Variants in NKAIN3 observed in about 807,000 individuals in gnomAD.
NKAIN3 encodes the protein sodium/potassium transporting ATPase interacting 3, also known as sodium/potassium-transporting ATPase subunit beta-1-interacting protein 3.
Under a neutral mutation model 30.2 loss-of-function variants are expected in NKAIN3, and 25 were observed. That is an observed-to-expected ratio of 0.83 (90% CI 0.60 to 1.16). The LOEUF (loss-of-function observed/expected upper bound fraction) is 1.16, where lower values mean the gene tolerates loss of function less well. Ranked by LOEUF, NKAIN3 falls within the 50% of genes most tolerant of loss-of-function variation. NKAIN3 has a pLI of 0.00. For synonymous variants in NKAIN3, 91 were observed against 89.6 expected (o/e 1.02, Z -0.09); for missense variants, 225 against 254.1 (o/e 0.89, Z 0.78).
At chr8:62,291,403 C>T (rs1430897204) in intron 1 of NKAIN3, among the ~76,000 whole-genome samples, 1 of 152,154 alleles carries the variant, frequency 6.6e-6, no homozygotes, top group African/African-American at 2.4e-5. Context: ...CTATAGACTG[C>T]TTTGAATGTG....
At chr8:62,991,292 G>A (rs1325059109) in intron 5 of NKAIN3, among the ~76,000 whole-genome samples, 1 of 152,122 alleles carries the variant, frequency 6.6e-6, no homozygotes, top group Non-Finnish European at 1.5e-5. Context: ...AATAGCAGTG[G>A]GTAAGGCTAA....
At chr8:62,255,919 T>C (rs1812247214) in intron 1 of NKAIN3, among the ~76,000 whole-genome samples, 1 of 152,136 alleles carries the variant, frequency 6.6e-6, no homozygotes, top group Admixed American at 6.5e-5. Flanking sequence ...TCTCAAATTA[T>C]TGAAAGCTCC....
intron 1 of NKAIN3, among the ~76,000 whole-genome samples, chr8:62,481,266 G>A (rs1394226769): frequency 2.6e-5 from 4 of 151,724 alleles, no homozygotes; most frequent in Non-Finnish European, 5.9e-5. Flanking sequence ...GTAATTCCTG[G>A]TGTATCCCTC....
chr8:62,665,682 G>C (rs1813076751), intron 3 of NKAIN3, among the ~76,000 whole-genome samples: 1 of 152,122 alleles, frequency 6.6e-6, no homozygotes, highest in South Asian at 2.1e-4. Context: ...AGCCTTCCCA[G>C]TATAGGAATG....
At chr8:62,740,579 T>C (rs1815832228) in intron 3 of NKAIN3, among the ~76,000 whole-genome samples, 1 of 151,908 alleles carries the variant, frequency 6.6e-6, no homozygotes, top group African/African-American at 2.4e-5. Context: ...AGAATAATAA[T>C]AGAGAGACTA....
intron 3 of NKAIN3, among the ~76,000 whole-genome samples, chr8:62,702,324 A>G (rs1480468081): frequency 6.6e-6 from 1 of 152,210 alleles, no homozygotes; most frequent in Non-Finnish European, 1.5e-5. Flanking sequence ...TTCCACTCAG[A>G]AAGTATCCAG....
intron 4 of NKAIN3, among the ~76,000 whole-genome samples, chr8:62,896,316 C>T (rs892347595): frequency 2.0e-5 from 3 of 152,072 alleles, no homozygotes; most frequent in African/African-American, 7.2e-5. Context: ...AATTACCTTC[C>T]AAAAGCATCA....
intron 1 of NKAIN3, among the ~76,000 whole-genome samples, chr8:62,325,867 G>C (rs1357493620): frequency 6.6e-6 from 1 of 151,844 alleles, no homozygotes; most frequent in African/African-American, 2.4e-5. Flanking sequence ...ATTTTGAAGG[G>C]ATTATTTGTT....
chr8:62,332,809 T>C (rs1467522155), intron 1 of NKAIN3, among the ~76,000 whole-genome samples: 1 of 152,148 alleles, frequency 6.6e-6, no homozygotes, highest in African/African-American at 2.4e-5. Flanking sequence ...GGCAGATCAC[T>C]TGAGCCCAGG....
chr8:62,988,847 T>C (rs78050429), downstream of NKAIN3, among the ~76,000 whole-genome samples: 16 of 152,366 alleles, frequency 1.1e-4, no homozygotes, highest in Admixed American at 7.8e-4. Flanking sequence ...TTTTCTTTTC[T>C]ATCACATCAT....
chr8:62,437,443 C>A (rs923009719), intron 1 of NKAIN3, among the ~76,000 whole-genome samples: 1 of 152,176 alleles, frequency 6.6e-6, no homozygotes, highest in African/African-American at 2.4e-5. Flanking sequence ...CTTATTTACA[C>A]AATGCCTCCA....
intron 3 of NKAIN3, among the ~76,000 whole-genome samples, chr8:62,651,336 C>A (rs1375015423): frequency 6.6e-6 from 1 of 151,994 alleles, no homozygotes; most frequent in Non-Finnish European, 1.5e-5. Context: ...GAAAGACACC[C>A]AAAAAATCAA....
chr8:62,939,365 C>CTACA (rs1280916518), intron 5 of NKAIN3, among the ~76,000 whole-genome samples: 1 of 152,162 alleles, frequency 6.6e-6, no homozygotes, highest in African/African-American at 2.4e-5. Context: ...TCTGGCCTTA[C>CTACA]TACAGATCTA....
At chr8:62,551,917 T>C (rs1007855386) in intron 1 of NKAIN3, among the ~76,000 whole-genome samples, 4 of 152,210 alleles carry the variant, frequency 2.6e-5, no homozygotes, top group Admixed American at 1.3e-4. Context: ...AGAAAACTTT[T>C]CTCTTTGATC....
intron 2 of NKAIN3, among the ~76,000 whole-genome samples, chr8:62,585,927 C>T (rs961914146): frequency 1.2e-4 from 18 of 151,962 alleles, no homozygotes; most frequent in Non-Finnish European, 4.4e-5. Flanking sequence ...AGATTTTTGT[C>T]CTATAATTAC....
At chr8:62,712,763 A>T (rs1333138073) in intron 3 of NKAIN3, among the ~76,000 whole-genome samples, 2 of 152,198 alleles carry the variant, frequency 1.3e-5, no homozygotes, top group African/African-American at 4.8e-5. Context: ...CCCCATTCAA[A>T]TTATTACAAA....
intron 4 of NKAIN3, chr8:62,856,860 G>A (rs1820075079): frequency 1.7e-6 from 1 of 592,308 alleles, no homozygotes; most frequent in Admixed American, 2.4e-5. Context: ...CACTGTTTAT[G>A]ATCTTACTGA....
chr8:62,638,600 C>T (rs527821827), intron 3 of NKAIN3, among the ~76,000 whole-genome samples: 18 of 152,184 alleles, frequency 1.2e-4, no homozygotes, highest in African/African-American at 3.9e-4. Context: ...AGTGTATCTT[C>T]GTCTCCTTTA....
rs577050654 is a variant in NKAIN3, at chr8:62,919,406, G to A, written c.532+893G>A. Among the ~76,000 whole-genome samples, 11 of 151,356 alleles carry A rather than the reference G, an allele frequency of 7.3e-5. No individual in the cohort carries two copies. The South Asian group carries it at 2.3e-3, about 32-fold the overall frequency. ...ACTACAGGCACCCGCCACCATGTCC[G>A]GCTAATTTTTTTGTATTTTTAGTAG... On this transcript the variant is annotated intron_variant, in intron 5 of 6. Transcript: ENST00000623646.
Sources: gnomAD v4.1 joint callset for allele counts (sites outside exome capture counted in the v4.1 genomes callset) on GRCh38, gnomAD v4.1.1 for gene constraint, MANE v1.5 for transcripts, NCBI Gene and HGNC (gene_info 2026-07-23, HGNC 2026-07-21) for gene names.